Variants in FGF14 observed in about 807,000 individuals in gnomAD.
FGF14 encodes fibroblast growth factor 14, also known as fibroblast growth factor homologous factor 4.
Under a neutral mutation model 25.5 loss-of-function variants are expected in FGF14, and 5 were observed. That is an observed-to-expected ratio of 0.20 (90% CI 0.10 to 0.41). The LOEUF is 0.41. FGF14 is among the 10% of genes least tolerant of loss of function. The pLI is 1.00. For synonymous variants in FGF14, 138 were observed against 118.3 expected (o/e 1.17, Z -1.08); for missense variants, 222 against 320.1 (o/e 0.69, Z 2.34).
chr13:102,165,430 T>G (rs1157518251), intron 1 of FGF14, among the ~76,000 whole-genome samples: 82 of 151,756 alleles, frequency 5.4e-4, no homozygotes, highest in African/African-American at 1.8e-3. Flanking sequence ...GTCCAACAAT[T>G]ATAGACTGGG....
intron 1 of FGF14, among the ~76,000 whole-genome samples, chr13:102,375,977 A>G (rs537589140): frequency 1.3e-5 from 2 of 152,320 alleles, no homozygotes; most frequent in East Asian, 3.9e-4. Flanking sequence ...ACATCTCCAC[A>G]TTGACATCGA....
chr13:101,967,711 T>C (rs906180025), intron 1 of FGF14: 6 of 154,340 alleles, frequency 3.9e-5, no homozygotes, highest in Non-Finnish European at 5.9e-5. Flanking sequence ...GGCAGTCTCC[T>C]GGAGGTGGTA....
chr13:101,768,939 G>T (rs1314158198), intron 3 of FGF14, among the ~76,000 whole-genome samples: 1 of 152,114 alleles, frequency 6.6e-6, no homozygotes, highest in Non-Finnish European at 1.5e-5. Flanking sequence ...CCAAAGGCAT[G>T]ATTCAGGGAA....
chr13:102,007,492 G>T (rs887797484), intron 1 of FGF14, among the ~76,000 whole-genome samples: 3 of 152,170 alleles, frequency 2.0e-5, no homozygotes, highest in African/African-American at 7.2e-5. Flanking sequence ...CAATGAGCAC[G>T]TCTCTAGACT....
chr13:102,145,812 A>G (rs2046830835), intron 1 of FGF14, among the ~76,000 whole-genome samples: 1 of 152,190 alleles, frequency 6.6e-6, no homozygotes, highest in Non-Finnish European at 1.5e-5. Flanking sequence ...CTACAGGGAG[A>G]GAGAGTATTT....
At chr13:102,156,563 G>C (rs1173405577) in intron 1 of FGF14, among the ~76,000 whole-genome samples, 2 of 152,162 alleles carry the variant, frequency 1.3e-5, no homozygotes, top group Non-Finnish European at 2.9e-5. Flanking sequence ...CATACTGAAT[G>C]AACAAAAACT....
chr13:102,019,532 G>A (rs1595011884), intron 1 of FGF14, among the ~76,000 whole-genome samples: 1 of 152,224 alleles, frequency 6.6e-6, no homozygotes, highest in African/African-American at 2.4e-5. Context: ...CTCTCCCTTG[G>A]AGAAGTAATA....
chr13:102,154,445 A>G (rs1269303894), intron 1 of FGF14, among the ~76,000 whole-genome samples: 1 of 152,020 alleles, frequency 6.6e-6, no homozygotes, highest in Non-Finnish European at 1.5e-5. Flanking sequence ...GAAATAAAAT[A>G]CTTTACAGAC....
chr13:101,936,162 C>T (rs2035088958), intron 1 of FGF14, among the ~76,000 whole-genome samples: 2 of 152,190 alleles, frequency 1.3e-5, no homozygotes, highest in Non-Finnish European at 2.9e-5. Context: ...CCAGATGAGG[C>T]AGCCAGTGCG....
At chr13:101,850,201 A>C (rs1440554672) in intron 3 of FGF14, among the ~76,000 whole-genome samples, 1 of 143,898 alleles carries the variant, frequency 6.9e-6, no homozygotes, top group Non-Finnish European at 1.5e-5. Context: ...TGGGAGGCTA[A>C]GGTGGGTGGA....
rs548526581 is a variant in FGF14 at position 102,265,892 on chromosome 13, G to A, written c.208+135579C>T. On this transcript the variant is annotated intron_variant, in intron 1 of 4. Coordinates refer to the FGF14 transcript ENST00000376131. ...TGAAGCATACTAATGGAGATTTCCT[G>A]TAAAATATAAGAAGAAAAAAAAATT... Among the ~76,000 whole-genome samples the A allele has an allele frequency of 4.6e-5, 7 of 151,902 alleles. No individual in the cohort carries two copies. In the South Asian group the frequency reaches 1.0e-3, roughly 23 times the overall value.
rs574910825 is a variant in FGF14, at chr13:101,896,975, A to G, written c.193+19478T>C. Among the ~76,000 whole-genome samples the G allele has an allele frequency of 7.9e-5, 12 of 152,286 alleles. No individual in the cohort carries two copies. The South Asian group carries it at 1.2e-3, about 16-fold the overall frequency. ...ATAAGAAAATATACTAGAGACAAATAAGGATAAGAAAGATGGAAGTAAGTA... is the reference window on the plus strand; with the variant it reads ...ATAAGAAAATATACTAGAGACAAATGAGGATAAGAAAGATGGAAGTAAGTA... On this transcript the variant is annotated intron_variant, in intron 1 of 4. Transcript: ENST00000376143.
intron 1 of FGF14, among the ~76,000 whole-genome samples, chr13:102,083,007 G>A (rs973146652): frequency 1.3e-5 from 2 of 152,152 alleles, no homozygotes; most frequent in Non-Finnish European, 1.5e-5. Flanking sequence ...TAATTTGAAT[G>A]AACCAATTTT....
At chr13:101,809,777 T>C (rs758501493) in intron 3 of FGF14, among the ~76,000 whole-genome samples, 1 of 152,196 alleles carries the variant, frequency 6.6e-6, no homozygotes, top group African/African-American at 2.4e-5. Flanking sequence ...ATGGGGTTGA[T>C]TGATAGATGT....
At chr13:102,374,489 T>C (rs1222812100) in intron 1 of FGF14, among the ~76,000 whole-genome samples, 1 of 151,558 alleles carries the variant, frequency 6.6e-6, no homozygotes, top group Non-Finnish European at 1.5e-5. Flanking sequence ...AGTGATTATG[T>C]TCAGCTGTGA....
intron 1 of FGF14, among the ~76,000 whole-genome samples, chr13:101,910,088 T>C (rs918604116): frequency 3.1e-4 from 46 of 149,728 alleles, no homozygotes; most frequent in Non-Finnish European, 5.2e-4. Flanking sequence ...CACGAGGGCC[T>C]GTTGTGGGGT....
At chr13:102,130,995 G>A (rs1055133350) in intron 1 of FGF14, among the ~76,000 whole-genome samples, 14 of 152,160 alleles carry the variant, frequency 9.2e-5, no homozygotes, top group Admixed American at 7.9e-4. Context: ...GTGAATAAAT[G>A]CATAGCAAAA....
intron 3 of FGF14, among the ~76,000 whole-genome samples, chr13:101,756,172 C>T (rs1006974546): frequency 1.3e-5 from 2 of 152,160 alleles, no homozygotes. Context: ...AAAGACTTAC[C>T]TTTTTCCAAA....
chr13:102,299,425 T>A (rs2054908235), intron 1 of FGF14, among the ~76,000 whole-genome samples: 1 of 152,130 alleles, frequency 6.6e-6, no homozygotes, highest in Admixed American at 6.5e-5. Context: ...CATGTGCACA[T>A]TTAAAGGTTA....
Sources: gnomAD v4.1 joint callset for allele counts (sites outside exome capture counted in the v4.1 genomes callset) on GRCh38, gnomAD v4.1.1 for gene constraint, MANE v1.5 for transcripts, NCBI Gene and HGNC (gene_info 2026-07-23, HGNC 2026-07-21) for gene names.